RNF216: variants seen among roughly 807,000 people sequenced by gnomAD.
The protein encoded by RNF216 is ring finger protein 216, also known as E3 ubiquitin-protein ligase RNF216.
RNF216 carries 72 observed loss-of-function variants against 110.8 expected under a neutral mutation model. The observed-to-expected ratio is 0.65, with a 90% CI of 0.54 to 0.79. The LOEUF (loss-of-function observed/expected upper bound fraction) is 0.79, where lower values mean the gene tolerates loss of function less well. Ranked by LOEUF, RNF216 falls within the 30% of genes least tolerant of loss-of-function variation. RNF216 has a pLI of 0.00. For missense variants in RNF216, 1,342 were observed against 1,141.2 expected, an observed-to-expected ratio of 1.18 and a Z score of -2.54; for synonymous variants, 495 against 407.5, an observed-to-expected ratio of 1.21 and a Z score of -2.59.
Position 5,624,627 on chromosome 7 carries a change from G to A in RNF216, c.2383-502C>T, listed in dbSNP as rs566314362. ...GCCCCCAAGGCTGGCCTTGGCTCCT[G>A]GGCCAGGCCTCGGGGAGAGGAGGAA... On this transcript the variant is annotated intron_variant, in intron 15 of 16. Coordinates refer to ENST00000389902, the MANE Select transcript of RNF216 (RefSeq NM_207111.4). This position sits in a 1 kb window ranked among gnomAD's most constrained non-coding sequence, Gnocchi z 4.4. 6.6e-6 allele frequency among the ~76,000 whole-genome samples: 1 copy of A among 152,232 alleles called. No homozygotes were observed. The highest frequency in any genetic ancestry group is 1.5e-5 in the Non-Finnish European group (1 of 68,042).
In RNF216 at chr7:5,710,135, G is replaced by A. The variant is rs1056540910; in HGVS notation, c.2061+1626C>T. Among the ~76,000 whole-genome samples the A allele has an allele frequency of 5.9e-5, 9 of 152,148 alleles. 1 individual carries two copies. The highest frequency in any genetic ancestry group is 4.1e-4 in the South Asian group (2 of 4,830). Reference sequence around the variant, plus strand: ...AGCACTTTGGAAGGCTGAGGTGGGCGGATCACTGGAGGCCAGGAGTTCAGG... The same window carrying A: ...AGCACTTTGGAAGGCTGAGGTGGGCAGATCACTGGAGGCCAGGAGTTCAGG... On this transcript the variant is annotated intron_variant, in intron 13 of 16. Transcript: ENST00000389902.
chr7:5,675,639 AAAAC>A (rs372675901), intron 13 of RNF216, among the ~76,000 whole-genome samples: 18 of 151,774 alleles, frequency 1.2e-4, no homozygotes, highest in East Asian at 3.9e-4. Flanking sequence ...AGACCCTCTC[AAAAC>A]AAACAAACAA....
chr7:5,766,566 G>A (rs1796220994), intron 1 of RNF216, among the ~76,000 whole-genome samples: 1 of 152,180 alleles, frequency 6.6e-6, no homozygotes, highest in African/African-American at 2.4e-5. Flanking sequence ...AGTTGTCTGA[G>A]ATCCAGGAAG....
chr7:5,714,501 G>A (rs56364996), intron 11 of RNF216, among the ~76,000 whole-genome samples: 11,168 of 150,296 alleles, frequency 0.074, 494 homozygotes, highest in East Asian at 0.12. Flanking sequence ...CAGGTGATCC[G>A]CCTACCTCGG....
chr7:5,669,847 G>A (rs745863156), intron 13 of RNF216, among the ~76,000 whole-genome samples: 3 of 152,016 alleles, frequency 2.0e-5, no homozygotes. Flanking sequence ...AGCTGAGATC[G>A]CACCACTGCA....
At chr7:5,646,150 G>A (rs752050609) in intron 14 of RNF216, among the ~76,000 whole-genome samples, 8 of 152,204 alleles carry the variant, frequency 5.3e-5, no homozygotes, top group Non-Finnish European at 1.2e-4. Flanking sequence ...ACTGAGAAGA[G>A]TCTAGAAATC....
chr7:5,765,137 C>T (rs995128481), intron 1 of RNF216, among the ~76,000 whole-genome samples: 1 of 151,176 alleles, frequency 6.6e-6, no homozygotes, highest in African/African-American at 2.4e-5. Context: ...GAGAGTTTAC[C>T]TCCCACAGAT....
rs1480467651 is a variant in RNF216 at position 5,621,558 on chromosome 7, G to T, written c.*1302C>A. 6.6e-6 allele frequency: 1 copy of T among 152,304 alleles called. No homozygotes were observed. Among genetic ancestry groups the T allele is most frequent in the Admixed American group, 6.5e-5 (1 of 15,288 alleles). The allele number at this position is 152,304 out of a possible 1,614,324, so 9.4% of individuals were successfully genotyped here. A position where few individuals can be genotyped will look rare whatever the true frequency, so the allele number is the denominator to read the frequency against. On this transcript the variant is annotated 3_prime_UTR_variant, in exon 17 of 17. Coordinates refer to ENST00000389902, the MANE Select transcript of RNF216 (RefSeq NM_207111.4). ...AGGCACCTTGGGTGGGCCAGGCCCTGCTTCAGGAGGTGGCGGGCCACTCCG... is the reference window on the plus strand; with the variant it reads ...AGGCACCTTGGGTGGGCCAGGCCCTTCTTCAGGAGGTGGCGGGCCACTCCG...
intron 5 of RNF216, 38 bp downstream of exon 5, chr7:5,739,238 C>T (rs1319366483): frequency 6.7e-7 from 1 of 1,501,908 alleles, no homozygotes; most frequent in Admixed American, 2.5e-5. Context: ...TTTACCACCA[C>T]CACCACCACC....
chr7:5,742,250 T>C (rs950000678), intron 3 of RNF216, among the ~76,000 whole-genome samples: 1 of 152,100 alleles, frequency 6.6e-6, no homozygotes, highest in South Asian at 2.1e-4. Context: ...TTTTGCCATG[T>C]TGGCCACGCT....
chr7:5,768,665 G>T (rs1242896677), intron 1 of RNF216, among the ~76,000 whole-genome samples: 12 of 141,104 alleles, frequency 8.5e-5, no homozygotes, highest in South Asian at 4.5e-4. Context: ...AAGCAACTTT[G>T]TTTTTTTTTT....
At chr7:5,774,216 G>A (rs1796653679) in intron 1 of RNF216, among the ~76,000 whole-genome samples, 2 of 152,172 alleles carry the variant, frequency 1.3e-5, no homozygotes, top group Non-Finnish European at 2.9e-5. Context: ...GGTGGCTCCA[G>A]ATAAATTGTT....
At chr7:5,716,391 C>A (rs1037447999) in intron 10 of RNF216, among the ~76,000 whole-genome samples, 1 of 152,044 alleles carries the variant, frequency 6.6e-6, no homozygotes, top group African/African-American at 2.4e-5. Flanking sequence ...CATACAGAAA[C>A]CCATCTTGCC....
chr7:5,646,338 C>T (rs1446500150), intron 14 of RNF216, among the ~76,000 whole-genome samples: 3 of 151,384 alleles, frequency 2.0e-5, no homozygotes, highest in African/African-American at 4.9e-5. Flanking sequence ...ATTGCCACTG[C>T]ACTCCAGACG....
intron 1 of RNF216, among the ~76,000 whole-genome samples, chr7:5,771,297 T>C (rs931470681): frequency 1.3e-5 from 2 of 151,964 alleles, no homozygotes; most frequent in Non-Finnish European, 2.9e-5. Context: ...AAAGGTAAAA[T>C]AAGTTTCTAG....
At chr7:5,633,297 C>T (rs934173934) in intron 15 of RNF216, among the ~76,000 whole-genome samples, 4 of 151,522 alleles carry the variant, frequency 2.6e-5, no homozygotes, top group Middle Eastern at 3.4e-3. Context: ...GAAGTAAGGC[C>T]GGGTGCGGTG....
chr7:5,659,042 G>C (rs1361339751), intron 13 of RNF216, among the ~76,000 whole-genome samples: 1 of 152,176 alleles, frequency 6.6e-6, no homozygotes, highest in Non-Finnish European at 1.5e-5. Context: ...GGGTGAGAGA[G>C]AAGCCTAGAA....
intron 8 of RNF216, 136 bp downstream of exon 8, chr7:5,725,188 T>G (rs1239200172): frequency 3.8e-6 from 2 of 531,390 alleles, no homozygotes; most frequent in Admixed American, 3.6e-5. Context: ...GAGAAAATAG[T>G]TCCTGTCAGT....
chr7:5,647,798 T>TC (rs1788144528), intron 14 of RNF216, among the ~76,000 whole-genome samples: 1 of 152,196 alleles, frequency 6.6e-6, no homozygotes, highest in South Asian at 2.1e-4. Flanking sequence ...CTTAAATTTA[T>TC]CCCCTCTTCT....
Sources: gnomAD v4.1 joint callset for allele counts (sites outside exome capture counted in the v4.1 genomes callset) on GRCh38, gnomAD v4.1.1 for gene constraint, Gnocchi (gnomAD v3.1) non-coding constraint, MANE v1.5 for transcripts, NCBI Gene and HGNC (gene_info 2026-07-23, HGNC 2026-07-21) for gene names.